METTL15: variants seen among roughly 807,000 people sequenced by gnomAD.
The protein encoded by METTL15 is methyltransferase 15, mitochondrial 12S rRNA N4-cytidine, also known as 12S rRNA N(4)-cytidine methyltransferase METTL15.
METTL15 carries 34 observed loss-of-function variants against 38.3 expected under a neutral mutation model. That is an observed-to-expected ratio of 0.89 (90% CI 0.68 to 1.18). The LOEUF (loss-of-function observed/expected upper bound fraction) is 1.18. Ranked by LOEUF, METTL15 falls within the 50% of genes most tolerant of loss-of-function variation. The pLI is 0.00. For synonymous variants in METTL15, 162 were observed against 170.9 expected, an observed-to-expected ratio of 0.95 and a Z score of 0.41; for missense variants, 438 against 498.4, an observed-to-expected ratio of 0.88 and a Z score of 1.15.
At chr11:28,259,376 C>T (rs1321503620) in intron 4 of METTL15, among the ~76,000 whole-genome samples, 1 of 152,116 alleles carries the variant, frequency 6.6e-6, no homozygotes, top group Non-Finnish European at 1.5e-5. Flanking sequence ...CCCTTAGCCG[C>T]CCCGGCCTGT....
At chr11:28,185,315 A>C (rs1471704761) in intron 3 of METTL15, among the ~76,000 whole-genome samples, 2 of 151,464 alleles carry the variant, frequency 1.3e-5, no homozygotes, top group Admixed American at 1.3e-4. Context: ...AACAATATTT[A>C]ATTTTTCATT....
intron 3 of METTL15, among the ~76,000 whole-genome samples, chr11:28,349,031 C>T (rs1850019780): frequency 6.6e-6 from 1 of 152,106 alleles, no homozygotes. Context: ...TACTGGAGTA[C>T]TATTACTCTT....
chr11:28,113,638 G>C (rs753402474), intron 3 of METTL15, 34 bp downstream of exon 3: 1 of 1,593,320 alleles, frequency 6.3e-7, no homozygotes, highest in Non-Finnish European at 8.5e-7. Flanking sequence ...GCAAGTTTTT[G>C]TTGAGATAAA....
intron 5 of METTL15, among the ~76,000 whole-genome samples, chr11:28,375,390 C>G (rs1175161538): frequency 3.3e-5 from 5 of 151,994 alleles, no homozygotes; most frequent in African/African-American, 1.2e-4. Context: ...CTGGTTTAGT[C>G]TTGGGATAGT....
chr11:28,356,142 G>T (rs1357041834), intron 4 of METTL15, among the ~76,000 whole-genome samples: 1 of 152,066 alleles, frequency 6.6e-6, no homozygotes, highest in Non-Finnish European at 1.5e-5. Context: ...GTCTTCCCTG[G>T]CCTTCTACCT....
At chr11:28,313,547 T>TA (rs943902357) in intron 6 of METTL15, among the ~76,000 whole-genome samples, 111 of 151,910 alleles carry the variant, frequency 7.3e-4, no homozygotes, top group African/African-American at 2.5e-3. Flanking sequence ...GTTAGGAAAT[T>TA]AAAAAAAACT....
intron 4 of METTL15, among the ~76,000 whole-genome samples, chr11:28,275,018 A>G (rs966253283): frequency 2.7e-5 from 4 of 150,708 alleles, no homozygotes; most frequent in Non-Finnish European, 4.5e-5. Flanking sequence ...TACATCAATT[A>G]GAAAGATTAC....
intron 6 of METTL15, among the ~76,000 whole-genome samples, chr11:28,432,896 C>T (rs181939866): frequency 1.0e-3 from 151 of 149,980 alleles, no homozygotes; most frequent in African/African-American, 3.5e-3. Flanking sequence ...TCCCAGAGCA[C>T]TGGCTCATTT....
intron 5 of METTL15, among the ~76,000 whole-genome samples, chr11:28,372,331 G>T (rs753302362): frequency 1.3e-5 from 2 of 151,878 alleles, no homozygotes; most frequent in Non-Finnish European, 2.9e-5. Flanking sequence ...AATCTCACTT[G>T]ATCATGGTGA....
chr11:28,427,310 A>G (rs181430277), intron 6 of METTL15, among the ~76,000 whole-genome samples: 7 of 152,310 alleles, frequency 4.6e-5, no homozygotes, highest in Non-Finnish European at 8.8e-5. Context: ...TTCTTGAACC[A>G]GTACCATACT....
intron 3 of METTL15, among the ~76,000 whole-genome samples, chr11:28,198,254 A>G (rs911229118): frequency 6.6e-6 from 1 of 152,100 alleles, no homozygotes; most frequent in African/African-American, 2.4e-5. Flanking sequence ...CTATCTGTAA[A>G]TAGATTAAGT....
intron 3 of METTL15, among the ~76,000 whole-genome samples, chr11:28,201,683 G>A (rs958059916): frequency 1.4e-5 from 2 of 147,530 alleles, no homozygotes; most frequent in Non-Finnish European, 3.0e-5. Context: ...GGTGTTTATA[G>A]TATTTTCTGA....
chr11:28,496,803 G>C (rs1851539258), intron 6 of METTL15, among the ~76,000 whole-genome samples: 1 of 152,208 alleles, frequency 6.6e-6, no homozygotes, highest in African/African-American at 2.4e-5. Context: ...TATGCAATCT[G>C]TATGGTCCTT....
chr11:28,254,762 CTT>C (rs1854903576), intron 4 of METTL15, among the ~76,000 whole-genome samples: 1 of 152,104 alleles, frequency 6.6e-6, no homozygotes, highest in Non-Finnish European at 1.5e-5. Flanking sequence ...TTCTTGGAAA[CTT>C]TGTGTAAAAT....
At chr11:28,175,647 C>G (rs1390360879) in intron 3 of METTL15, among the ~76,000 whole-genome samples, 1 of 152,124 alleles carries the variant, frequency 6.6e-6, no homozygotes, top group Non-Finnish European at 1.5e-5. Context: ...ATGGTATGAG[C>G]ACATAATTTG....
chr11:28,307,774 G>A (rs1277814094), intron 6 of METTL15, among the ~76,000 whole-genome samples: 1 of 151,962 alleles, frequency 6.6e-6, no homozygotes, highest in Non-Finnish European at 1.5e-5. Context: ...TGATGAAGAT[G>A]AAGACAAAGG....
intron 6 of METTL15, among the ~76,000 whole-genome samples, chr11:28,502,177 C>A (rs1358468849): frequency 2.0e-5 from 3 of 151,628 alleles, no homozygotes; most frequent in African/African-American, 7.3e-5. Context: ...CAGCTATCTT[C>A]TTGGAGAGGA....
intron 6 of METTL15, among the ~76,000 whole-genome samples, chr11:28,473,630 G>A (rs868724447): frequency 1.3e-5 from 2 of 152,108 alleles, no homozygotes; most frequent in African/African-American, 2.4e-5. Flanking sequence ...AATTTTTGGA[G>A]CAGCAACTAT....
At chr11:28,192,679 GT>G (rs1336287705) in intron 3 of METTL15, among the ~76,000 whole-genome samples, 8 of 152,040 alleles carry the variant, frequency 5.3e-5, no homozygotes, top group African/African-American at 1.7e-4. Flanking sequence ...TTATTAGGTG[GT>G]TTTTAACCAT....
Sources: allele counts gnomAD v4.1 joint callset (sites outside exome capture counted in the v4.1 genomes callset), GRCh38; gene constraint gnomAD v4.1.1; transcripts MANE v1.5; gene names NCBI Gene and HGNC (gene_info 2026-07-23, HGNC 2026-07-21).